NCALD: variants seen among roughly 807,000 people sequenced by gnomAD.
The protein encoded by NCALD is neurocalcin-delta.
NCALD carries 10 observed loss-of-function variants against 18.6 expected under a neutral mutation model. The ratio of observed to expected loss-of-function variants is 0.54; its 90% CI spans 0.33 to 0.91. NCALD has a LOEUF of 0.91. Ranked by LOEUF, NCALD falls within the 40% of genes least tolerant of loss-of-function variation. The pLI is 0.03. For missense variants in NCALD, 184 were observed against 247.6 expected (o/e 0.74, Z 1.72); for synonymous variants, 88 against 87.4 (o/e 1.01, Z -0.04).
At chr8:101,981,847 T>C (rs931256600) in intron 2 of NCALD, among the ~76,000 whole-genome samples, 1 of 152,214 alleles carries the variant, frequency 6.6e-6, no homozygotes, top group African/African-American at 2.4e-5. Context: ...AGATTCATTC[T>C]GATATGAACG....
At chr8:101,963,424 T>C (rs970557333) in intron 2 of NCALD, among the ~76,000 whole-genome samples, 1 of 152,146 alleles carries the variant, frequency 6.6e-6, no homozygotes, top group South Asian at 2.1e-4. Flanking sequence ...TTCCCACTTC[T>C]GTTTCCTGCA....
intron 2 of NCALD, among the ~76,000 whole-genome samples, chr8:101,698,531 A>G (rs1815108412): frequency 6.6e-6 from 1 of 152,220 alleles, no homozygotes; most frequent in Admixed American, 6.5e-5. Context: ...ACTTCAAACA[A>G]TATTACAAGG....
chr8:102,000,020 A>T (rs1821390033), intron 2 of NCALD, among the ~76,000 whole-genome samples: 1 of 152,090 alleles, frequency 6.6e-6, no homozygotes, highest in African/African-American at 2.4e-5. Flanking sequence ...CTCACTGGGG[A>T]TTGTCGGACA....
At chr8:102,099,981 CAA>C (rs1360552443) in intron 1 of NCALD, among the ~76,000 whole-genome samples, 4 of 73,284 alleles carry the variant, frequency 5.5e-5, no homozygotes, top group Admixed American at 1.4e-4. Flanking sequence ...GACTCTGTCT[CAA>C]AAAAAAAAAA....
At chr8:101,739,926 C>T (rs1810113963) in intron 1 of NCALD, among the ~76,000 whole-genome samples, 1 of 152,160 alleles carries the variant, frequency 6.6e-6, no homozygotes, top group Non-Finnish European at 1.5e-5. Flanking sequence ...AGACCCCTGA[C>T]TAATACACCC....
intron 4 of NCALD, among the ~76,000 whole-genome samples, chr8:101,875,631 T>A (rs1816199268): frequency 1.3e-5 from 2 of 152,152 alleles, no homozygotes; most frequent in South Asian, 2.1e-4. Flanking sequence ...AAACGTCCAA[T>A]TAGCAAGTGC....
At chr8:102,104,411 C>A (rs564893420) in intron 1 of NCALD, among the ~76,000 whole-genome samples, 2 of 152,076 alleles carry the variant, frequency 1.3e-5, no homozygotes, top group Admixed American at 6.5e-5. Flanking sequence ...AAAGTAAAGA[C>A]AAAACCATCC....
intron 4 of NCALD, among the ~76,000 whole-genome samples, chr8:101,815,820 A>G (rs1813474350): frequency 6.6e-6 from 1 of 152,176 alleles, no homozygotes; most frequent in Non-Finnish European, 1.5e-5. Context: ...CTGAAAACTG[A>G]TGTCCAAACA....
chr8:101,929,423 G>GAGGGAGGGAGGA (rs1338272350), intron 2 of NCALD, among the ~76,000 whole-genome samples: 8 of 40,360 alleles, frequency 2.0e-4, no homozygotes, highest in African/African-American at 1.0e-3. Flanking sequence ...GGAAGGGAGG[G>GAGGGAGGGAGGA]AGGAAGGAAG....
intron 4 of NCALD, among the ~76,000 whole-genome samples, chr8:101,854,535 T>A (rs745336110): frequency 1.1e-4 from 17 of 152,192 alleles, no homozygotes; most frequent in Non-Finnish European, 2.2e-4. Flanking sequence ...TATTGTCAAA[T>A]TTTCCTGGTC....
At chr8:101,897,747 T>A (rs913042282) in intron 3 of NCALD, among the ~76,000 whole-genome samples, 1 of 152,212 alleles carries the variant, frequency 6.6e-6, no homozygotes, top group African/African-American at 2.4e-5. Context: ...ACTAAACTAT[T>A]TTCCAGAGTG....
chr8:101,987,243 T>C (rs1047670427), intron 2 of NCALD, among the ~76,000 whole-genome samples: 20 of 152,196 alleles, frequency 1.3e-4, no homozygotes, highest in Non-Finnish European at 2.1e-4. Flanking sequence ...GCACTCCTCT[T>C]TGAAGGGCAG....
intron 2 of NCALD, among the ~76,000 whole-genome samples, chr8:101,955,247 A>AG (rs1039600524): frequency 2.6e-5 from 4 of 152,340 alleles, no homozygotes; most frequent in African/African-American, 9.6e-5. Context: ...ATATTTTAGA[A>AG]GGGGGGAGGA....
At chr8:101,881,192 A>T (rs1028607505) in intron 4 of NCALD, among the ~76,000 whole-genome samples, 2 of 152,198 alleles carry the variant, frequency 1.3e-5, no homozygotes, top group Non-Finnish European at 2.9e-5. Flanking sequence ...AATTTTATTT[A>T]AAAATAATCT....
intron 1 of NCALD, among the ~76,000 whole-genome samples, chr8:101,736,835 C>A (rs975112531): frequency 1.3e-5 from 2 of 152,184 alleles, no homozygotes; most frequent in East Asian, 1.9e-4. Context: ...GGCAACTTGT[C>A]ACCCATTCCC....
At chr8:101,701,990 T>G (rs1815289630) in intron 2 of NCALD, among the ~76,000 whole-genome samples, 1 of 152,192 alleles carries the variant, frequency 6.6e-6, no homozygotes, top group Non-Finnish European at 1.5e-5. Context: ...AAGAATCAAT[T>G]AAATCAGTAA....
chr8:102,051,378 T>C (rs557422139), intron 1 of NCALD, among the ~76,000 whole-genome samples: 1 of 152,326 alleles, frequency 6.6e-6, no homozygotes, highest in African/African-American at 2.4e-5. Flanking sequence ...CAGGTCTCAG[T>C]ACGTGGTACC....
At chr8:101,969,917 A>G (rs1820173906) in intron 2 of NCALD, among the ~76,000 whole-genome samples, 1 of 151,580 alleles carries the variant, frequency 6.6e-6, no homozygotes, top group Non-Finnish European at 1.5e-5. Context: ...GTAGAAATAA[A>G]TCTAAGTGTG....
At chr8:101,800,088 T>C (rs1812783958) in intron 4 of NCALD, among the ~76,000 whole-genome samples, 1 of 152,182 alleles carries the variant, frequency 6.6e-6, no homozygotes, top group South Asian at 2.1e-4. Context: ...CACACCAAAT[T>C]TCTCAAGAGT....
Sources: gnomAD v4.1 joint callset for allele counts (sites outside exome capture counted in the v4.1 genomes callset) on GRCh38, gnomAD v4.1.1 for gene constraint, MANE v1.5 for transcripts, NCBI Gene and HGNC (gene_info 2026-07-23, HGNC 2026-07-21) for gene names.